ZFAND3: variants seen among roughly 807,000 people sequenced by gnomAD.
ZFAND3 encodes the protein zinc finger AN1-type containing 3.
A neutral mutation model predicts 29.6 loss-of-function variants in ZFAND3; 10 were observed. The ratio of observed to expected loss-of-function variants is 0.34; its 90% confidence interval spans 0.21 to 0.57. ZFAND3 has a LOEUF of 0.57. Among genes scored for constraint, ZFAND3 ranks in the 20% least tolerant of loss-of-function variants. The probability of loss-of-function intolerance (pLI) is 0.86; values close to 1 mark genes in which losing one functional copy is unlikely to be tolerated. For missense variants in ZFAND3, 230 were observed against 304.5 expected (o/e 0.76, Z 1.82); for synonymous variants, 128 against 112.6 (o/e 1.14, Z -0.87).
At chr6:37,864,261 A>G (rs1474393848) in intron 1 of ZFAND3, among the ~76,000 whole-genome samples, 1 of 152,088 alleles carries the variant, frequency 6.6e-6, no homozygotes, top group Non-Finnish European at 1.5e-5. Flanking sequence ...AGGTTATGAG[A>G]CTGATGCATC....
chr6:37,854,948 G>A (rs1382534178), intron 1 of ZFAND3, among the ~76,000 whole-genome samples: 2 of 145,318 alleles, frequency 1.4e-5, no homozygotes, highest in African/African-American at 2.5e-5. Flanking sequence ...AAGGTTACAG[G>A]AGAAAAATAA....
intron 3 of ZFAND3, among the ~76,000 whole-genome samples, chr6:38,069,134 A>G (rs944031243): frequency 1.3e-5 from 2 of 152,206 alleles, no homozygotes; most frequent in Non-Finnish European, 2.9e-5. Flanking sequence ...TGTTTTTACC[A>G]ATTAAATTTC....
At chr6:38,046,060 G>T (rs971967490) in intron 2 of ZFAND3, among the ~76,000 whole-genome samples, 2 of 152,190 alleles carry the variant, frequency 1.3e-5, no homozygotes, top group Non-Finnish European at 2.9e-5. Context: ...CGTTATATTT[G>T]AAAAATAAGT....
intron 1 of ZFAND3, among the ~76,000 whole-genome samples, chr6:37,882,566 A>G (rs1159871359): frequency 5.9e-5 from 9 of 152,138 alleles, no homozygotes; most frequent in South Asian, 2.1e-4. Context: ...TAATTCCCAT[A>G]TAATTGGGAA....
At chr6:37,856,200 G>C (rs1764379393) in intron 1 of ZFAND3, among the ~76,000 whole-genome samples, 1 of 151,966 alleles carries the variant, frequency 6.6e-6, no homozygotes, top group East Asian at 1.9e-4. Flanking sequence ...TCGCCATGTT[G>C]CCCGGCCGGT....
chr6:38,121,885 A>G (rs1765541882), intron 5 of ZFAND3, among the ~76,000 whole-genome samples: 1 of 152,202 alleles, frequency 6.6e-6, no homozygotes, highest in Non-Finnish European at 1.5e-5. Flanking sequence ...AAGACCAAGT[A>G]AATGCTCTGC....
chr6:37,826,086 CCT>C (rs1466717291), intron 1 of ZFAND3, among the ~76,000 whole-genome samples: 1 of 150,950 alleles, frequency 6.6e-6, no homozygotes, highest in African/African-American at 2.4e-5. Context: ...ATCAAAGTCC[CCT>C]CTCTTGCAAA....
chr6:38,070,062 A>G (rs550089692), intron 3 of ZFAND3, among the ~76,000 whole-genome samples: 4 of 152,324 alleles, frequency 2.6e-5, no homozygotes, highest in African/African-American at 4.8e-5. Flanking sequence ...TACTTTTTAC[A>G]GAAATAACCG....
At chr6:38,101,322 A>G (rs1056383443) in intron 4 of ZFAND3, among the ~76,000 whole-genome samples, 2 of 152,196 alleles carry the variant, frequency 1.3e-5, no homozygotes, top group African/African-American at 4.8e-5. Flanking sequence ...AGTAGTGCCT[A>G]CATCAACACT....
chr6:37,868,578 T>G (rs971831142), intron 1 of ZFAND3, among the ~76,000 whole-genome samples: 1 of 152,138 alleles, frequency 6.6e-6, no homozygotes, highest in African/African-American at 2.4e-5. Context: ...TGTATGTGGT[T>G]ATAGGAAGCC....
At chr6:37,858,497 T>C (rs1581713556) in intron 1 of ZFAND3, among the ~76,000 whole-genome samples, 1 of 152,196 alleles carries the variant, frequency 6.6e-6, no homozygotes, top group African/African-American at 2.4e-5. Context: ...TGAGGCTTTA[T>C]GTGCTTTCAA....
chr6:38,026,009 TATTGA>T (rs986143279), intron 2 of ZFAND3, among the ~76,000 whole-genome samples: 5 of 152,228 alleles, frequency 3.3e-5, no homozygotes, highest in African/African-American at 7.2e-5. Flanking sequence ...ACTATTGAAC[TATTGA>T]ATTGTACACC....
chr6:38,116,507 A>C (rs1310145106), intron 4 of ZFAND3, 65 bp from the exon 5 acceptor site: 1 of 1,531,750 alleles, frequency 6.5e-7, no homozygotes. Flanking sequence ...CTGGAAATAC[A>C]TTAATCAACT....
At chr6:38,029,831 A>G (rs1431476734) in intron 2 of ZFAND3, among the ~76,000 whole-genome samples, 2 of 152,094 alleles carry the variant, frequency 1.3e-5, no homozygotes, top group Non-Finnish European at 2.9e-5. Context: ...TTATCTTTGC[A>G]TATGCTTTAA....
chr6:38,119,767 A>C (rs952221063), intron 5 of ZFAND3, among the ~76,000 whole-genome samples: 37 of 152,234 alleles, frequency 2.4e-4, no homozygotes, highest in Admixed American at 2.3e-3. Context: ...TTACAGTCTC[A>C]TCGAGAGCAC....
rs372896693 is a variant in ZFAND3, at chr6:38,012,163, C to G, written c.113-49430C>G. On this transcript the variant is annotated intron_variant, in intron 2 of 5. Transcript: ENST00000287218. ...GCTGTGTAATGTAAGCATCTCCGTT[C>G]CTAGTGGAGAAGTTGCGTCGTGTTC... Among the ~76,000 whole-genome samples the G allele has an allele frequency of 5.3e-5, 8 of 152,128 alleles. No homozygotes were observed. In the South Asian group the frequency reaches 1.0e-3, roughly 20 times the overall value.
At chr6:37,997,634 G>T (rs556934472) in intron 2 of ZFAND3, among the ~76,000 whole-genome samples, 2 of 152,196 alleles carry the variant, frequency 1.3e-5, no homozygotes, top group East Asian at 3.8e-4. Context: ...AAGCACTTCT[G>T]TGGTCCCTTG....
intron 2 of ZFAND3, among the ~76,000 whole-genome samples, chr6:38,041,144 T>A (rs1222765051): frequency 6.6e-6 from 1 of 152,204 alleles, no homozygotes; most frequent in African/African-American, 2.4e-5. Flanking sequence ...TGTTTCCTCA[T>A]GATTAGATTG....
chr6:37,964,196 T>C (rs1444125264), intron 2 of ZFAND3, among the ~76,000 whole-genome samples: 1 of 152,146 alleles, frequency 6.6e-6, no homozygotes, highest in Non-Finnish European at 1.5e-5. Context: ...GGTAATAAAG[T>C]AAAAGAGATA....
Sources: gnomAD v4.1 joint callset for allele counts (sites outside exome capture counted in the v4.1 genomes callset) on GRCh38, gnomAD v4.1.1 for gene constraint, MANE v1.5 for transcripts, NCBI Gene and HGNC (gene_info 2026-07-23, HGNC 2026-07-21) for gene names.